PIEZO1: variants seen among roughly 807,000 people sequenced by gnomAD.
The protein encoded by PIEZO1 is piezo type mechanosensitive ion channel component 1 (Er blood group).
A neutral mutation model predicts 297.2 loss-of-function variants in PIEZO1; 296 were observed. The observed-to-expected ratio is 1.00, with a 90% confidence interval of 0.91 to 1.10. The LOEUF is 1.10. Ranked by LOEUF, PIEZO1 falls within the 50% of genes least tolerant of loss-of-function variation. The pLI, the probability that PIEZO1 is intolerant of heterozygous loss-of-function variation, is 0.00. For synonymous variants in PIEZO1, 2,427 were observed against 1,507.5 expected, an observed-to-expected ratio of 1.61 and a Z score of -14.13; for missense variants, 5,018 against 3,455.5, an observed-to-expected ratio of 1.45 and a Z score of -11.34.
In PIEZO1 at chr16:88,749,112, C is replaced by T. The variant is rs545020058; in HGVS notation, c.160+272G>A. Among the ~76,000 whole-genome samples the T allele has an allele frequency of 9.2e-4, 140 of 151,446 alleles. 1 individual carries two copies. The highest frequency in any genetic ancestry group is 8.2e-3 in the East Asian group (42 of 5,146). On this transcript the variant is annotated intron_variant, in intron 2 of 50. Coordinates refer to ENST00000301015, the MANE Select transcript of PIEZO1 (RefSeq NM_001142864.4). ...AAAATAAGCCAGGCGTGGTGGCGGG[C>T]GCCTGTAGTCCCAGCTACCCGGGAG...
chr16:88,724,480 G>A (rs184037533), intron 30 of PIEZO1, among the ~76,000 whole-genome samples: 14 of 148,974 alleles, frequency 9.4e-5, no homozygotes, highest in South Asian at 4.2e-4. Context: ...GTAGTGAGCC[G>A]CAATCACGCC....
chr16:88,727,249 G>A lies in PIEZO1; in HGVS notation c.3302-57C>T, dbSNP rs569190059. 1.9e-5 allele frequency: 28 copies of A among 1,467,454 alleles called. 1 individual carries two copies. The highest frequency in any genetic ancestry group is 1.7e-4 in the Admixed American group (7 of 42,406). 90.9% of individuals were successfully genotyped at this position (1,467,454 alleles called of 1,614,324 possible). ...ACGGGGACCCACACGAGGTGGGCACGGCGCATAAATCCCACCTCCCACCCC... is the reference window on the plus strand; with the variant it reads ...ACGGGGACCCACACGAGGTGGGCACAGCGCATAAATCCCACCTCCCACCCC... On this transcript the variant is annotated intron_variant, in intron 23 of 50. Coordinates refer to ENST00000301015, the MANE Select transcript of PIEZO1 (RefSeq NM_001142864.4).
chr16:88,763,327 G>A lies in PIEZO1; in HGVS notation c.65-13848C>T, dbSNP rs143503934. 6.3e-4 allele frequency among the ~76,000 whole-genome samples: 96 copies of A among 152,304 alleles called. 1 individual carries two copies. The East Asian group carries it at 0.014, about 21-fold the overall frequency. On this transcript the variant is annotated intron_variant, in intron 1 of 50. Coordinates refer to ENST00000301015, the MANE Select transcript of PIEZO1 (RefSeq NM_001142864.4). ...CAGAAGCTGGAGGTGAGCAGAACCG[G>A]CTCCAGACCAGCAGCCAAACCCCTG...
intron 31 of PIEZO1, 90 bp from the exon 32 acceptor site, chr16:88,723,418 C>T: frequency 7.0e-7 from 1 of 1,420,292 alleles, no homozygotes; most frequent in Non-Finnish European, 9.5e-7. Context: ...GCGCCAGATC[C>T]AGATCCCTGC....
chr16:88,731,019 C>T lies in PIEZO1; in HGVS notation c.3196+687G>A, dbSNP rs1273942814. Among the ~76,000 whole-genome samples the T allele has an allele frequency of 3.3e-5, 5 of 152,248 alleles. No individual in the cohort carries two copies. The East Asian group carries it at 9.6e-4, about 29-fold the overall frequency. On this transcript the variant is annotated intron_variant, in intron 22 of 50. Coordinates refer to ENST00000301015, the MANE Select transcript of PIEZO1 (RefSeq NM_001142864.4). ...GAGCCGGCCACGTGCACAAATGTGA[C>T]TCCCCATCTCAGACCGCAGGGTGCT...
chr16:88,734,344 G>T lies in PIEZO1; in HGVS notation c.2180+12C>A. 2 of 1,506,574 alleles carry T rather than the reference G, an allele frequency of 1.3e-6. No individual in the cohort carries two copies. 93.3% of individuals were successfully genotyped at this position (1,506,574 alleles called of 1,614,324 possible). A position where few individuals can be genotyped will look rare whatever the true frequency, so the allele number is the denominator to read the frequency against. On this transcript the variant is annotated intron_variant, in intron 16 of 50. Transcript: ENST00000301015. ...ACCTCTCCAGGGCCGGACAGGGAGG[G>T]CGGGGCCGCACCTGTGAGCCCAGCG... is the stretch of plus-strand genomic sequence containing the variant.
rs547600679 is a variant in PIEZO1 at position 88,715,737 on chromosome 16, G to C, written c.7434C>G (p.Leu2478=). 176 of 1,550,514 alleles carry C rather than the reference G, an allele frequency of 1.1e-4. No individual in the cohort carries two copies. The highest frequency in any genetic ancestry group is 1.5e-4 in the Non-Finnish European group (167 of 1,147,000). ...FEELPCVDRI[L]KLCQDIFLVR... ...CCAGGAAGATGTCCTGGCAGAGCTT[G>C]AGGATGCGGTCCACGCACGGCAGCT... is the stretch of plus-strand genomic sequence containing the variant. Residue 2478 remains leucine (L), a synonymous_variant, in exon 51 of 51, where the codon CTC becomes CTG. Coordinates refer to ENST00000301015, the MANE Select transcript of PIEZO1 (RefSeq NM_001142864.4).
intron 1 of PIEZO1, among the ~76,000 whole-genome samples, chr16:88,784,558 C>T (rs958144680): frequency 2.6e-5 from 4 of 152,000 alleles, no homozygotes; most frequent in Admixed American, 6.5e-5. Context: ...GCCCTTCCCA[C>T]CGGGGCAAAC....
chr16:88,726,258 T>C (rs191375467), intron 27 of PIEZO1, 26 bp downstream of exon 27: 3 of 1,533,566 alleles, frequency 2.0e-6, no homozygotes, highest in Admixed American at 4.0e-5. Context: ...ACGGGAGCTC[T>C]GGGCTGTGTC....
chr16:88,719,640 G>C lies in PIEZO1; in HGVS notation c.6405C>G (p.Ser2135Arg). 1.3e-6 allele frequency: 2 copies of C among 1,553,716 alleles called. No individual in the cohort carries two copies. Among genetic ancestry groups the C allele is most frequent in the Non-Finnish European group, 1.7e-6 (2 of 1,148,738 alleles). ...CATAGATGTCCTCCACACACATCCA[G>C]CTGGACAGGGACAGCGTGGTGTCCG... ...VWTDTTLSLS[S>R]WMCVEDIYAN... The change falls in exon 44 of 51, where the codon AGC becomes AGG. Residue 2135 changes from serine to arginine, a missense_variant. Ser to Arg is a moderately radical substitution (Grantham distance 110, BLOSUM62 -1). Transcript: ENST00000301015.
chr16:88,777,251 G>A (rs535971599), intron 1 of PIEZO1, among the ~76,000 whole-genome samples: 13 of 152,350 alleles, frequency 8.5e-5, no homozygotes, highest in East Asian at 3.9e-4. Context: ...GATTACCGGC[G>A]TGAGCCACCA....
At chr16:88,761,076 G>A (rs146136570) in intron 1 of PIEZO1, among the ~76,000 whole-genome samples, 30 of 152,356 alleles carry the variant, frequency 2.0e-4, no homozygotes, top group Middle Eastern at 3.4e-3. Flanking sequence ...GGGGTTTGCA[G>A]GGCAGGGTGG....
Position 88,715,339 on chromosome 16 carries a change from C to T in PIEZO1, c.*266G>A, listed in dbSNP as rs1911898059. On this transcript the variant is annotated 3_prime_UTR_variant, in exon 51 of 51. Transcript: ENST00000301015. ...GAAGGCAAGGACGGGGGACTGGCCT[C>T]TGATTGTCCATTTGTATAAATAAAA... 3 of 1,335,110 alleles carry T rather than the reference C, an allele frequency of 2.2e-6. No homozygotes were observed. The highest frequency in any genetic ancestry group is 4.6e-5 in the Admixed American group (2 of 43,708). The allele number at this position is 1,335,110 out of a possible 1,614,324, so 82.7% of individuals were successfully genotyped here. A position where few individuals can be genotyped will look rare whatever the true frequency, so the allele number is the denominator to read the frequency against.
At chr16:88,735,288 G>A (rs999824542) in intron 12 of PIEZO1, 42 bp from the exon 13 acceptor site, 39 of 1,400,408 alleles carry the variant, frequency 2.8e-5, no homozygotes, top group Non-Finnish European at 3.7e-5. Flanking sequence ...GGGGGGCCCA[G>A]CACCCCTCCC....
chr16:88,773,377 G>A (rs1415622985), intron 1 of PIEZO1, among the ~76,000 whole-genome samples: 1 of 152,258 alleles, frequency 6.6e-6, no homozygotes, highest in African/African-American at 2.4e-5. Context: ...GCAGGGGGAG[G>A]GGCCTTGCCC....
Position 88,715,816 on chromosome 16 carries a change from C to A in PIEZO1, c.7355G>T (p.Gly2452Val). Reference protein sequence around the residue: ...GLYVSIVLVIGKFVRGFFSEI... With the variant: ...GLYVSIVLVIVKFVRGFFSEI... ...GCTGAAGAATCCGCGCACGAACTTGCCGATGACCAGCACGATGGACACGTA... is the reference window on the plus strand; with the variant it reads ...GCTGAAGAATCCGCGCACGAACTTGACGATGACCAGCACGATGGACACGTA... The change falls in exon 51 of 51, where the codon GGC becomes GTC. Residue 2452 changes from glycine to valine, a missense_variant. Gly to Val is a moderately radical substitution (Grantham distance 109, BLOSUM62 -3). Coordinates refer to ENST00000301015, the MANE Select transcript of PIEZO1 (RefSeq NM_001142864.4). 1 of 1,550,284 alleles carries A rather than the reference C, an allele frequency of 6.5e-7. No individual in the cohort carries two copies. Among genetic ancestry groups the A allele is most frequent in the South Asian group, 1.2e-5 (1 of 84,064 alleles).
At position 88,727,098 on chromosome 16, in the gene PIEZO1, G is replaced by A. The variant is rs761581510; in HGVS notation, c.3396C>T (p.Thr1132=). The A allele has an allele frequency of 1.3e-4, 208 of 1,549,764 alleles. No homozygotes were observed. Among genetic ancestry groups the A allele is most frequent in the South Asian group, 6.3e-4 (53 of 84,044 alleles). ...EEWQRMAGVN[T]DRLEPLRGEP... ...CCCCCCGCAGCGGCTCCAGGCGGTCGGTGTTGACGCCAGCCATGCGCTGCC... is the reference window on the plus strand; with the variant it reads ...CCCCCCGCAGCGGCTCCAGGCGGTCAGTGTTGACGCCAGCCATGCGCTGCC... The change falls in exon 24 of 51, where the codon ACC becomes ACT. Residue 1132 remains threonine (T), a synonymous_variant. Transcript: ENST00000301015.
rs1428226544 is a variant in PIEZO1 at position 88,727,814 on chromosome 16, G to C, written c.3197-153C>G. On this transcript the variant is annotated intron_variant, in intron 22 of 50. Transcript: ENST00000301015. The stretch of plus-strand genomic sequence containing the variant: ...GGTGTCTCGAGAACTGACAGCTCTA[G>C]TGTCCTGTGTGTTCACACACACAGA... 2.0e-5 allele frequency: 9 copies of C among 441,048 alleles called. No homozygotes were observed. The East Asian group carries it at 2.8e-4, about 14-fold the overall frequency. 27.3% of individuals were successfully genotyped at this position (441,048 alleles called of 1,614,324 possible).
chr16:88,741,118 C>T (rs114998636), intron 5 of PIEZO1: 2,001 of 177,720 alleles, frequency 0.011, 46 homozygotes, highest in African/African-American at 0.044. Flanking sequence ...CTGCTGGGGC[C>T]GCCCCTTCTC....
Sources: gnomAD v4.1 joint callset for allele counts (sites outside exome capture counted in the v4.1 genomes callset) on GRCh38, gnomAD v4.1.1 for gene constraint, MANE v1.5 for transcripts, NCBI Gene and HGNC (gene_info 2026-07-23, HGNC 2026-07-21) for gene names.